Variants in CTIF observed in about 807,000 individuals in gnomAD.
CTIF encodes cap binding complex dependent translation initiation factor.
In CTIF, 21 loss-of-function variants were observed where a neutral mutation model predicts 66.0. That is an observed-to-expected ratio of 0.32 (90% CI 0.23 to 0.46). The LOEUF is 0.46. CTIF is among the 20% of genes least tolerant of loss of function. The pLI, the probability that CTIF is intolerant of heterozygous loss-of-function variation, is 1.00. For synonymous variants in CTIF, 345 were observed against 326.4 expected (o/e 1.06, Z -0.62); for missense variants, 739 against 812.7 (o/e 0.91, Z 1.10).
At chr18:48,848,079 AG>A (rs1214009831) in intron 10 of CTIF, among the ~76,000 whole-genome samples, 1 of 152,160 alleles carries the variant, frequency 6.6e-6, no homozygotes, top group East Asian at 1.9e-4. Context: ...AGAGCCCTGC[AG>A]GTGTGGTTCT....
At chr18:48,744,856 G>T (rs777451905) in intron 7 of CTIF, among the ~76,000 whole-genome samples, 3 of 149,692 alleles carry the variant, frequency 2.0e-5, no homozygotes, top group Admixed American at 6.7e-5. Flanking sequence ...GGAGTCTCAC[G>T]CTGTTGCCCA....
intron 2 of CTIF, chr18:48,621,671 C>A: frequency 3.4e-6 from 1 of 297,084 alleles, no homozygotes. Context: ...GCTGACTGAG[C>A]AGGGGGCCGT....
At chr18:48,702,230 G>A (rs1339078076) in intron 6 of CTIF, among the ~76,000 whole-genome samples, 1 of 152,200 alleles carries the variant, frequency 6.6e-6, no homozygotes, top group African/African-American at 2.4e-5. Flanking sequence ...AGGGAGAGAG[G>A]GGTGGTTATT....
intron 7 of CTIF, among the ~76,000 whole-genome samples, chr18:48,714,099 T>G (rs16949850): frequency 0.29 from 44,212 of 152,034 alleles, 7,080 homozygotes; most frequent in African/African-American, 0.41. Context: ...AATCGTGGGA[T>G]TCTGCCACCC....
At chr18:48,603,499 GTGGA>G (rs1158667685) in intron 1 of CTIF, among the ~76,000 whole-genome samples, 95 of 113,038 alleles carry the variant, frequency 8.4e-4, no homozygotes, top group East Asian at 1.7e-3. Context: ...GGGTGGGTGG[GTGGA>G]TGGATGGATG....
At chr18:48,633,737 A>AAATAAATAAATAAATG (rs1221859616) in intron 2 of CTIF, among the ~76,000 whole-genome samples, 5 of 149,838 alleles carry the variant, frequency 3.3e-5, no homozygotes, top group Non-Finnish European at 7.4e-5. Context: ...ATAAATAAAT[A>AAATAAATAAATAAATG]AATGTACATA....
chr18:48,756,649 G>C (rs1449630778), intron 7 of CTIF, among the ~76,000 whole-genome samples: 20 of 152,142 alleles, frequency 1.3e-4, no homozygotes, highest in Admixed American at 1.3e-3. Context: ...TGCACTTCCA[G>C]TAAAGTTGTG....
At chr18:48,601,297 A>G (rs970842215) in intron 1 of CTIF, among the ~76,000 whole-genome samples, 1 of 152,246 alleles carries the variant, frequency 6.6e-6, no homozygotes, top group African/African-American at 2.4e-5. Flanking sequence ...CTGCTCTGTG[A>G]GGTAGATGTA....
intron 9 of CTIF, among the ~76,000 whole-genome samples, chr18:48,795,005 T>C (rs1308659057): frequency 6.6e-6 from 1 of 152,156 alleles, no homozygotes; most frequent in Admixed American, 6.5e-5. Flanking sequence ...GCGAGAGTCC[T>C]GTGTGAGGAT....
At chr18:48,637,969 A>G (rs909473192) in intron 3 of CTIF, among the ~76,000 whole-genome samples, 1 of 152,106 alleles carries the variant, frequency 6.6e-6, no homozygotes, top group Non-Finnish European at 1.5e-5. Context: ...AGATGAGGAA[A>G]CTGAGTCCCA....
At chr18:48,585,650 G>A (rs2089751304) in intron 1 of CTIF, among the ~76,000 whole-genome samples, 1 of 152,170 alleles carries the variant, frequency 6.6e-6, no homozygotes, top group Non-Finnish European at 1.5e-5. Flanking sequence ...AAGACATGAA[G>A]CTGTGGACAG....
intron 7 of CTIF, among the ~76,000 whole-genome samples, chr18:48,720,089 C>T (rs2092318728): frequency 6.6e-6 from 1 of 152,180 alleles, no homozygotes; most frequent in African/African-American, 2.4e-5. Context: ...TTCACTAATT[C>T]AGTATTTGCA....
At chr18:48,684,260 C>T (rs544940961) in intron 6 of CTIF, among the ~76,000 whole-genome samples, 1 of 152,260 alleles carries the variant, frequency 6.6e-6, no homozygotes, top group South Asian at 2.1e-4. Context: ...CATTTTTTAT[C>T]AAAATAGTAC....
intron 6 of CTIF, among the ~76,000 whole-genome samples, chr18:48,678,275 G>A (rs1331301363): frequency 6.6e-6 from 1 of 152,180 alleles, no homozygotes; most frequent in Non-Finnish European, 1.5e-5. Flanking sequence ...AGACAGCTTT[G>A]AAAGAGAAAT....
chr18:48,633,373 C>T (rs900859581), intron 2 of CTIF, among the ~76,000 whole-genome samples: 1 of 152,102 alleles, frequency 6.6e-6, no homozygotes, highest in Admixed American at 6.5e-5. Flanking sequence ...TATGTATATA[C>T]ATATACATAT....
chr18:48,616,301 A>G (rs1307322170), intron 1 of CTIF, among the ~76,000 whole-genome samples: 3 of 152,170 alleles, frequency 2.0e-5, no homozygotes, highest in African/African-American at 7.2e-5. Context: ...TTTTATTCCC[A>G]TCCAGCGGAG....
intron 7 of CTIF, among the ~76,000 whole-genome samples, chr18:48,743,642 C>A (rs1440081965): frequency 2.0e-5 from 3 of 152,206 alleles, no homozygotes; most frequent in Non-Finnish European, 4.4e-5. Flanking sequence ...TGGCAGAAGG[C>A]TAAATTTTGC....
At chr18:48,605,488 C>T (rs144696658) in intron 1 of CTIF, among the ~76,000 whole-genome samples, 3,241 of 152,316 alleles carry the variant, frequency 0.021, 52 homozygotes, top group Non-Finnish European at 0.034. Flanking sequence ...CTGCTCCCTG[C>T]GGTTGTATCT....
rs2069108806 is a variant in CTIF, at chr18:48,847,584, A to G, written c.1528-10004A>G. Among the ~76,000 whole-genome samples the G allele has an allele frequency of 2.6e-5, 4 of 152,246 alleles. No homozygotes were observed. The South Asian group carries it at 8.3e-4, about 32-fold the overall frequency. ...GTAAAAGGAATGGTGCATACAAAGC[A>G]TGTTGAGATCTTCAGGGAAGATACA... On this transcript the variant is annotated intron_variant, in intron 10 of 11. Transcript: ENST00000256413.
Sources: allele counts gnomAD v4.1 joint callset (sites outside exome capture counted in the v4.1 genomes callset), GRCh38; gene constraint gnomAD v4.1.1; transcripts MANE v1.5; gene names NCBI Gene and HGNC (gene_info 2026-07-23, HGNC 2026-07-21).